The following LARP1B variants were observed in gnomAD, a reference collection of about 807,000 sequenced individuals.
LARP1B encodes the protein la-related protein 1B.
A neutral mutation model predicts 114.2 loss-of-function variants in LARP1B; 76 were observed. The observed-to-expected ratio is 0.67, with a 90% confidence interval of 0.55 to 0.81. The LOEUF (loss-of-function observed/expected upper bound fraction) is 0.81, where lower values mean the gene tolerates loss of function less well. Among genes scored for constraint, LARP1B ranks in the 30% least tolerant of loss-of-function variants. The pLI is 0.00. For missense variants in LARP1B, 1,014 were observed against 1,075.8 expected (o/e 0.94, Z 0.80); for synonymous variants, 345 against 348.0 (o/e 0.99, Z 0.10).
At chr4:128,214,299 C>G (rs1050440968), downstream of LARP1B, among the ~76,000 whole-genome samples, 2 of 148,420 alleles carry the variant, frequency 1.3e-5, no homozygotes, top group African/African-American at 2.5e-5. Flanking sequence ...GTGGAGCCCA[C>G]CACAGCTCAA....
chr4:128,120,293 A>G (rs1378474427), intron 10 of LARP1B, among the ~76,000 whole-genome samples: 2 of 152,166 alleles, frequency 1.3e-5, no homozygotes, highest in African/African-American at 2.4e-5. Flanking sequence ...GGAAGTTAGC[A>G]TGAACTGAAG....
At chr4:128,135,634 G>A (rs1056304732) in intron 11 of LARP1B, among the ~76,000 whole-genome samples, 1 of 152,108 alleles carries the variant, frequency 6.6e-6, no homozygotes, top group East Asian at 1.9e-4. Context: ...TGAACCTTGA[G>A]GACTTTATGC....
chr4:128,078,611 AAGTG>A (rs1015803182), intron 4 of LARP1B, among the ~76,000 whole-genome samples: 7 of 152,086 alleles, frequency 4.6e-5, no homozygotes, highest in Admixed American at 1.3e-4. Context: ...AAAAAAAAAA[AAGTG>A]AGAATAATTT....
intron 15 of LARP1B, among the ~76,000 whole-genome samples, chr4:128,197,880 C>CTTTTTTT (rs35888649): frequency 7.9e-4 from 69 of 87,008 alleles, no homozygotes; most frequent in East Asian, 9.5e-4. Flanking sequence ...ACGATTGTAG[C>CTTTTTTT]TTTTTTTTTT....
intron 8 of LARP1B, among the ~76,000 whole-genome samples, chr4:128,099,705 GAT>G (rs200055030): frequency 2.0e-5 from 3 of 151,388 alleles, no homozygotes; most frequent in South Asian, 4.2e-4. Flanking sequence ...TCTTTATAGG[GAT>G]ATATATATAC....
rs1196503988 is a variant in LARP1B at position 128,091,142 on chromosome 4, G to A, written c.500G>A (p.Arg167Gln). ...AGAGGACGAGGCAGAGGAAATCCTC[G>A]ATGTATGACATAATTTTTGTTTCGT... Reference protein sequence around the residue: ...RGRGRGRGNPRLNFDYSYGYQ... With the variant: ...RGRGRGRGNPQLNFDYSYGYQ... Residue 167 changes from arginine (R) to glutamine (Q), a missense_variant and splice_region_variant, in exon 6 of 20, where the codon CGA (arginine) becomes CAA (glutamine). Physicochemically the swap from Arg to Gln is conservative, Grantham distance 43. Transcript: ENST00000326639. The A allele has an allele frequency of 5.0e-6, 8 of 1,607,572 alleles. No homozygotes were observed. Among genetic ancestry groups the A allele is most frequent in the South Asian group, 3.4e-5 (3 of 88,918 alleles).
At chr4:128,172,937 ATGTGTGTGTGTGTG>A (rs57382183) in intron 12 of LARP1B, among the ~76,000 whole-genome samples, 1 of 137,000 alleles carries the variant, frequency 7.3e-6, no homozygotes, top group Admixed American at 7.3e-5. Flanking sequence ...ATCCCATCCA[ATGTGTGTGTGTGTG>A]TGTGTGTGTG....
rs1020597830 is a variant in LARP1B at position 128,074,871 on chromosome 4, T to C, written c.-18-63T>C. On this transcript the variant is annotated intron_variant, in intron 2 of 19. Coordinates refer to ENST00000326639, the MANE Select transcript of LARP1B (RefSeq NM_018078.4). ...AACTCCTTTCACTTTTAGAAAATGT[T>C]TTTTTCCTGCTTAAAATTTCTAAAA... 2.6e-6 allele frequency: 3 copies of C among 1,158,966 alleles called. No homozygotes were observed. In the African/African-American group the frequency reaches 4.8e-5, roughly 19 times the overall value. The allele number at this position is 1,158,966 out of a possible 1,614,324, so 71.8% of individuals were successfully genotyped here. A position where few individuals can be genotyped will look rare whatever the true frequency, so the allele number is the denominator to read the frequency against.
At chr4:128,075,128 G>GCAAGACCCT in intron 3 of LARP1B, 135 bp downstream of exon 3, 1 of 645,986 alleles carries the variant, frequency 1.5e-6, no homozygotes, top group Non-Finnish European at 2.7e-6. Flanking sequence ...TTTGAGACAG[G>GCAAGACCCT]GTCTTGCTCT....
intron 10 of LARP1B, among the ~76,000 whole-genome samples, chr4:128,119,699 G>C (rs1220826580): frequency 6.6e-6 from 1 of 152,120 alleles, no homozygotes; most frequent in African/African-American, 2.4e-5. Context: ...CTTTGTATCA[G>C]TTCTAGGTTG....
At chr4:128,198,247 T>TA (rs921923685) in intron 15 of LARP1B, among the ~76,000 whole-genome samples, 1 of 152,120 alleles carries the variant, frequency 6.6e-6, no homozygotes, top group Admixed American at 6.6e-5. Context: ...TAAAAAATTG[T>TA]AAAAAAATGT....
intron 8 of LARP1B, among the ~76,000 whole-genome samples, chr4:128,099,949 G>A (rs2149708461): frequency 6.6e-6 from 1 of 151,930 alleles, no homozygotes; most frequent in Admixed American, 6.6e-5. Context: ...TTCTCATTGT[G>A]GGTTTTTTAT....
chr4:128,139,948 G>A (rs1727244508), intron 11 of LARP1B, among the ~76,000 whole-genome samples: 1 of 152,134 alleles, frequency 6.6e-6, no homozygotes, highest in Non-Finnish European at 1.5e-5. Flanking sequence ...ATATTCTCGA[G>A]TTGCATTGTT....
At chr4:128,179,378 T>C (rs761364215) in intron 14 of LARP1B, 28 bp from the exon 15 acceptor site, 4 of 1,437,770 alleles carry the variant, frequency 2.8e-6, no homozygotes, top group South Asian at 1.2e-5. Flanking sequence ...TTGAAACTAA[T>C]TGCAATGCTT....
At chr4:128,185,579 G>A (rs1229934993) in intron 15 of LARP1B, among the ~76,000 whole-genome samples, 3 of 150,150 alleles carry the variant, frequency 2.0e-5, no homozygotes, top group Non-Finnish European at 4.4e-5. Context: ...GTATATTCTA[G>A]TTATTAGTCC....
intron 15 of LARP1B, among the ~76,000 whole-genome samples, chr4:128,187,306 C>T (rs1453918356): frequency 6.6e-6 from 1 of 152,254 alleles, no homozygotes; most frequent in African/African-American, 2.4e-5. Flanking sequence ...CCCTGGAAAG[C>T]CATAGGCATG....
Position 128,125,772 on chromosome 4 carries a change from A to C in LARP1B, c.1524+3584A>C, listed in dbSNP as rs1184480017. On this transcript the variant is annotated intron_variant, in intron 11 of 19. Transcript: ENST00000326639. ...AAAACAAAAAACAAAAACAAAAACA[A>C]AACAGAATGTTTTTCTGGTTGTGCT... 4.6e-5 allele frequency among the ~76,000 whole-genome samples: 7 copies of C among 152,174 alleles called. No individual in the cohort carries two copies. In the East Asian group the frequency reaches 1.4e-3, roughly 29 times the overall value.
intron 10 of LARP1B, among the ~76,000 whole-genome samples, chr4:128,117,938 A>G (rs1050746559): frequency 7.6e-6 from 1 of 131,864 alleles, no homozygotes; most frequent in Admixed American, 8.0e-5. Context: ...TTTTTGGCAG[A>G]GGGTTTCACT....
At chr4:128,070,458 C>T (rs1764799977) in intron 1 of LARP1B, among the ~76,000 whole-genome samples, 1 of 151,850 alleles carries the variant, frequency 6.6e-6, no homozygotes, top group South Asian at 2.1e-4. Flanking sequence ...GTCAGGAGTT[C>T]GAGACCAGCC....
Sources: gnomAD v4.1 joint callset for allele counts (sites outside exome capture counted in the v4.1 genomes callset) on GRCh38, gnomAD v4.1.1 for gene constraint, MANE v1.5 for transcripts, NCBI Gene and HGNC (gene_info 2026-07-23, HGNC 2026-07-21) for gene names.